RFC2: variants seen among roughly 807,000 people sequenced by gnomAD.
RFC2 encodes A1 40 kDa subunit.
Under a neutral mutation model 44.8 loss-of-function variants are expected in RFC2, and 34 were observed. The observed-to-expected ratio is 0.76, with a 90% CI of 0.58 to 1.01. The LOEUF is 1.01. Among genes scored for constraint, RFC2 ranks in the 50% least tolerant of loss-of-function variants. RFC2 has a pLI of 0.00. For missense variants in RFC2, 400 were observed against 453.6 expected (o/e 0.88, Z 1.07); for synonymous variants, 177 against 168.9 (o/e 1.05, Z -0.37).
At position 74,252,443 on chromosome 7, in the gene RFC2, C is replaced by G; in HGVS notation, c.169G>C (p.Val57Leu). ...LNEIVGNEDT[V>L]SRLEVFAREG... The stretch of plus-strand genomic sequence containing the variant: ...AAGCCACTCACCTCTAGCCTGCTCA[C>G]GGTGTCTTCATTCCCGACAATTTCA... The change falls in exon 2 of 11, where the codon GTG becomes CTG. Residue 57 changes from valine (V) to leucine (L), a missense_variant. By Grantham distance (32) the Val-to-Leu change is conservative. Coordinates refer to ENST00000055077, the MANE Select transcript of RFC2 (RefSeq NM_181471.3). 6.3e-7 allele frequency: 1 copy of G among 1,599,296 alleles called. No individual in the cohort carries two copies. The highest frequency in any genetic ancestry group is 8.6e-7 in the Non-Finnish European group (1 of 1,167,528).
intron 5 of RFC2, among the ~76,000 whole-genome samples, chr7:74,244,096 C>CA (rs1179272254): frequency 0.09 from 3,763 of 41,656 alleles, 195 homozygotes; most frequent in African/African-American, 0.23. Context: ...ACTAAAAATA[C>CA]AAAAAAAAAA....
At position 74,254,304 on chromosome 7, in the gene RFC2, G is replaced by T; in HGVS notation, c.80C>A (p.Ala27Asp). 6.2e-7 allele frequency: 1 copy of T among 1,612,664 alleles called. No homozygotes were observed. The highest frequency in any genetic ancestry group is 1.7e-5 in the Admixed American group (1 of 59,932). ...TTCGTAGTGGCCGGCGCTGCCGGGG[G>T]CCTTGCTGAAGGCAGGGGCAGGGTC... Reference protein sequence around the residue: ...DSDPAPAFSKAPGSAGHYELP... With the variant: ...DSDPAPAFSKDPGSAGHYELP... Residue 27 changes from alanine (A) to aspartate (D), a missense_variant, in exon 1 of 11, where the codon GCC becomes GAC. Physicochemically the swap from Ala to Asp is moderately radical, Grantham distance 126. Transcript: ENST00000055077.
intron 5 of RFC2, 81 bp downstream of exon 5, chr7:74,246,581 A>C: frequency 1.1e-6 from 1 of 880,642 alleles, no homozygotes; most frequent in Non-Finnish European, 1.8e-6. Flanking sequence ...CTACCATAAA[A>C]GTGCTTTTTA....
At chr7:74,250,102 G>A (rs186354392) in intron 2 of RFC2, among the ~76,000 whole-genome samples, 21 of 151,446 alleles carry the variant, frequency 1.4e-4, no homozygotes, top group African/African-American at 3.4e-4. Flanking sequence ...GCAGTGAGCT[G>A]TGACTGCACC....
In RFC2 at chr7:74,237,351, A is replaced by G. The variant is rs1468852607; in HGVS notation, c.840+11T>C. Reference sequence around the variant, plus strand: ...CGGTTCCTCTGCCAGGACGGGGGGAAGGAGGCCAACCTTGTAGGCTTCGTC... The same window carrying G: ...CGGTTCCTCTGCCAGGACGGGGGGAGGGAGGCCAACCTTGTAGGCTTCGTC... On this transcript the variant is annotated intron_variant, in intron 9 of 10. Transcript: ENST00000055077. The G allele has an allele frequency of 5.0e-6, 8 of 1,597,516 alleles. No individual in the cohort carries two copies. Among genetic ancestry groups the G allele is most frequent in the South Asian group, 4.5e-5 (4 of 88,678 alleles).
rs560271375 is a variant in RFC2, at chr7:74,235,671, G to A, written c.841-26C>T. On this transcript the variant is annotated intron_variant, in intron 9 of 10. Transcript: ENST00000055077. Reference sequence around the variant, plus strand: ...CTAGACAAAGGAGACAGAAAAGGCTGCTTACCACTTTAAACTGTAAGAAGA... The same window carrying A: ...CTAGACAAAGGAGACAGAAAAGGCTACTTACCACTTTAAACTGTAAGAAGA... 1.6e-4 allele frequency: 228 copies of A among 1,458,110 alleles called. 2 individuals are homozygous for A. In the South Asian group the frequency reaches 2.4e-3, roughly 16 times the overall value. The allele number at this position is 1,458,110 out of a possible 1,614,324, so 90.3% of individuals were successfully genotyped here.
rs199794372 is a variant in RFC2 at position 74,240,110 on chromosome 7, G to T, written c.536-15C>A. The T allele has an allele frequency of 1.4e-5, 23 of 1,610,906 alleles. No homozygotes were observed. In the African/African-American group the frequency reaches 2.5e-4, roughly 18 times the overall value. On this transcript the variant is annotated splice_polypyrimidine_tract_variant and intron_variant, in intron 6 of 10. Transcript: ENST00000055077. The stretch of plus-strand genomic sequence containing the variant: ...CTGAATGGGCTCTGAACAGAGACGG[G>T]ACAGTAGTGAGGCTTCCCTGCAGAG...
chr7:74,246,556 A>G (rs1803621666), intron 5 of RFC2, 106 bp downstream of exon 5: 4 of 658,986 alleles, frequency 6.1e-6, no homozygotes, highest in Admixed American at 2.8e-5. Context: ...CTTGTGGAAG[A>G]TATGATAAGC....
intron 4 of RFC2, among the ~76,000 whole-genome samples, chr7:74,248,198 T>C (rs781972242): frequency 1.3e-5 from 2 of 152,042 alleles, no homozygotes; most frequent in African/African-American, 4.8e-5. Flanking sequence ...TTTTGGAATT[T>C]TGCATTATAT....
chr7:74,240,706 C>T (rs1803287385), intron 6 of RFC2, among the ~76,000 whole-genome samples: 1 of 152,188 alleles, frequency 6.6e-6, no homozygotes, highest in African/African-American at 2.4e-5. Flanking sequence ...TGAGTCAGCC[C>T]TGGCCCAGGT....
intron 2 of RFC2, 131 bp downstream of exon 2, chr7:74,252,298 T>C (rs1787007346): frequency 1.2e-5 from 7 of 562,100 alleles, no homozygotes; most frequent in Non-Finnish European, 2.3e-5. Context: ...TCCCAGCTAC[T>C]GGGGAGGCTG....
In RFC2 at chr7:74,235,552, G is replaced by T. The variant is rs1563986070; in HGVS notation, c.934C>A (p.Leu312Met). 3 of 1,606,270 alleles carry T rather than the reference G, an allele frequency of 1.9e-6. No homozygotes were observed. Among genetic ancestry groups the T allele is most frequent in the Non-Finnish European group, 2.6e-6 (3 of 1,172,860 alleles). The change falls in exon 10 of 11, where the codon CTG becomes ATG. Residue 312 changes from leucine (L) to methionine (M), a missense_variant. Transcript: ENST00000055077. Reference sequence around the variant, plus strand: ...CCGACCTTGATAAACTCCAGTTTCAGGTATTCTGCCATTTGGAAAGTTTTA... The same window carrying T: ...CCGACCTTGATAAACTCCAGTTTCATGTATTCTGCCATTTGGAAAGTTTTA... ...VCKTFQMAEY[L>M]KLEFIKEIGY...
intron 2 of RFC2, among the ~76,000 whole-genome samples, chr7:74,250,690 T>C (rs555785855): frequency 6.6e-6 from 1 of 152,332 alleles, no homozygotes; most frequent in African/African-American, 2.4e-5. Flanking sequence ...TTATCTCGTC[T>C]GATTGCTATC....
At chr7:74,252,812 G>A (rs1787046638) in intron 1 of RFC2, among the ~76,000 whole-genome samples, 1 of 152,100 alleles carries the variant, frequency 6.6e-6, no homozygotes, top group Admixed American at 6.6e-5. Flanking sequence ...GTGTGCGTCT[G>A]TAATCCCAGC....
chr7:74,240,165 A>G, intron 6 of RFC2, 70 bp from the exon 7 acceptor site: 1 of 1,445,390 alleles, frequency 6.9e-7, no homozygotes, highest in East Asian at 2.3e-5. Flanking sequence ...CTCTTTGGTC[A>G]TAAGGCTGCA....
chr7:74,244,814 A>AG (rs1803509680), intron 5 of RFC2, among the ~76,000 whole-genome samples: 2 of 151,730 alleles, frequency 1.3e-5, no homozygotes, highest in African/African-American at 2.4e-5. Flanking sequence ...TGAAAAAAAA[A>AG]ATAGCTGGTT....
In RFC2 at chr7:74,237,368, G is replaced by C; in HGVS notation, c.834C>G (p.Ala278=). The C allele has an allele frequency of 6.2e-7, 1 of 1,604,180 alleles. No homozygotes were observed. The highest frequency in any genetic ancestry group is 1.1e-5 in the South Asian group (1 of 89,034). The change falls in exon 9 of 11, where the codon GCC becomes GCG. Residue 278 remains alanine (A), a synonymous_variant. Coordinates refer to ENST00000055077, the MANE Select transcript of RFC2 (RefSeq NM_181471.3). ...CGGGGGGAAGGAGGCCAACCTTGTA[G>C]GCTTCGTCAATGTTGGCATTCACAC... The part of the protein sequence containing the change: ...QHCVNANIDE[A]YKILAHLWHL...
Position 74,238,923 on chromosome 7 carries a change from C to CTTGAA in RFC2, c.754_758dup (p.Lys253AsnfsTer13). ...GTACCACCCACACTAGCGCTTGTACCTTGAACACGTTCTCACTGTTAATGA... is the reference window on the plus strand; with the variant it reads ...GTACCACCCACACTAGCGCTTGTACCTTGAATTGAACACGTTCTCACTGTTAATGA... On this transcript the variant is annotated frameshift_variant and splice_region_variant, in exon 8 of 11. Transcript: ENST00000055077. LOFTEE classifies it high-confidence loss of function. This position sits in a 1 kb window ranked among gnomAD's most constrained non-coding sequence, Gnocchi z 4.0. 1 of 1,613,308 alleles carries CTTGAA rather than the reference C, an allele frequency of 6.2e-7. No homozygotes were observed. The highest frequency in any genetic ancestry group is 1.7e-5 in the Admixed American group (1 of 59,996).
intron 3 of RFC2, 109 bp downstream of exon 3, chr7:74,249,630 G>T: frequency 1.1e-6 from 1 of 879,878 alleles, no homozygotes; most frequent in Non-Finnish European, 1.9e-6. Flanking sequence ...TTTGCCGGGG[G>T]AATGGGAAGG....
Sources: allele counts gnomAD v4.1 joint callset (sites outside exome capture counted in the v4.1 genomes callset), GRCh38; gene constraint gnomAD v4.1.1; non-coding constraint Gnocchi (gnomAD v3.1); transcripts MANE v1.5; gene names NCBI Gene and HGNC (gene_info 2026-07-23, HGNC 2026-07-21).